The following CUL4A variants were observed in gnomAD, a reference collection of about 807,000 sequenced individuals.
CUL4A encodes the protein cullin 4A.
Under a neutral mutation model 95.5 loss-of-function variants are expected in CUL4A, and 16 were observed. The observed-to-expected ratio is 0.17, with a 90% CI of 0.11 to 0.25. CUL4A has a LOEUF of 0.25. Ranked by LOEUF, CUL4A falls within the 10% of genes least tolerant of loss-of-function variation. The pLI is 1.00. For missense variants in CUL4A, 610 were observed against 937.0 expected (o/e 0.65, Z 4.56); for synonymous variants, 380 against 353.1 (o/e 1.08, Z -0.85).
chr13:113,256,813 T>C (rs1371359289), intron 18 of CUL4A, among the ~76,000 whole-genome samples: 1 of 152,136 alleles, frequency 6.6e-6, no homozygotes, highest in Non-Finnish European at 1.5e-5. Context: ...TATTTTTCTT[T>C]TTCTAATTGC....
chr13:113,213,985 A>G (rs2040548681), intron 2 of CUL4A, among the ~76,000 whole-genome samples: 1 of 152,222 alleles, frequency 6.6e-6, no homozygotes, highest in Admixed American at 6.5e-5. Context: ...GAAATTACTG[A>G]TGTCTGATCA....
intron 16 of CUL4A, among the ~76,000 whole-genome samples, chr13:113,254,487 C>T (rs533053808): frequency 6.6e-6 from 1 of 152,022 alleles, no homozygotes; most frequent in Admixed American, 6.6e-5. Context: ...CCCAGCTACT[C>T]GGGAGGCTGA....
chr13:113,252,540 AAAG>A (rs1444160339), intron 15 of CUL4A, among the ~76,000 whole-genome samples: 1 of 152,208 alleles, frequency 6.6e-6, no homozygotes, highest in Non-Finnish European at 1.5e-5. Flanking sequence ...CCAAAAAAGA[AAAG>A]AAATTCACCC....
intron 2 of CUL4A, among the ~76,000 whole-genome samples, chr13:113,213,865 A>T (rs892926422): frequency 4.6e-5 from 7 of 152,234 alleles, no homozygotes; most frequent in African/African-American, 1.4e-4. Flanking sequence ...CTTACTTGTG[A>T]TCATCTCTCC....
At chr13:113,238,768 C>T (rs1049822217) in intron 9 of CUL4A, among the ~76,000 whole-genome samples, 6 of 152,276 alleles carry the variant, frequency 3.9e-5, no homozygotes, top group South Asian at 4.1e-4. Flanking sequence ...GTGTGAACAT[C>T]GTGCCCAGTG....
intron 10 of CUL4A, among the ~76,000 whole-genome samples, chr13:113,241,470 C>A (rs1308097902): frequency 6.6e-6 from 1 of 151,868 alleles, no homozygotes; most frequent in Non-Finnish European, 1.5e-5. Context: ...TAGCCACACA[C>A]CGCCCCTCTC....
intron 5 of CUL4A, chr13:113,229,791 C>CT: frequency 2.1e-6 from 1 of 473,438 alleles, no homozygotes; most frequent in Non-Finnish European, 3.7e-6. Flanking sequence ...TGGTTTCTCT[C>CT]TGACGACTGG....
chr13:113,228,009 G>T lies in CUL4A; in HGVS notation c.402G>T (p.Lys134Asn), dbSNP rs1303777573. ...DSLDSVLFLK[K>N]INTCWQDHCR... ...TAGATAGTGTTTTATTTTTAAAGAA[G>T]ATTAACACGTGCTGGCAGGACCACT... is the stretch of plus-strand genomic sequence containing the variant. The change falls in exon 4 of 20, where the codon AAG (lysine) becomes AAT (asparagine). Residue 134 changes from lysine to asparagine, a missense_variant. Physicochemically the swap from Lys to Asn is moderately conservative, Grantham distance 94. This residue lies in a region of CUL4A where 168 missense variants were observed against 185.5 expected (regional missense o/e 0.91). Coordinates refer to ENST00000375440, the MANE Select transcript of CUL4A (RefSeq NM_001008895.4). The T allele has an allele frequency of 1.2e-6, 2 of 1,613,452 alleles. No individual in the cohort carries two copies. The highest frequency in any genetic ancestry group is 1.7e-6 in the Non-Finnish European group (2 of 1,179,608).
At position 113,242,985 on chromosome 13, in the gene CUL4A, C is replaced by A. The variant is rs146783617; in HGVS notation, c.1053C>A (p.Ile351=). 2 of 1,606,742 alleles carry A rather than the reference C, an allele frequency of 1.2e-6. No individual in the cohort carries two copies. Among genetic ancestry groups the A allele is most frequent in the Admixed American group, 1.7e-5 (1 of 59,708 alleles). ...TTTTGTAGACTTTTGGAACAGCGAT[C>A]GTAATCAATCCTGAGAAAGACAAAG... is the stretch of plus-strand genomic sequence containing the variant. ...SEYIKTFGTA[I]VINPEKDKDM... is the part of the protein sequence containing the mutation. Residue 351 remains isoleucine, a synonymous_variant, in exon 11 of 20, where the codon ATC becomes ATA. Transcript: ENST00000375440.
At position 113,215,111 on chromosome 13, in the gene CUL4A, A is replaced by G. The variant is rs376902131; in HGVS notation, c.265-3834A>G. On this transcript the variant is annotated intron_variant, in intron 2 of 19. Coordinates refer to ENST00000375440, the MANE Select transcript of CUL4A (RefSeq NM_001008895.4). ...CGCGTCCCGTGTGGCTGTGGAGGTC[A>G]CTGTGTGACCATGGAAGTCGCGTTC... Among the ~76,000 whole-genome samples the G allele has an allele frequency of 4.6e-3, 549 of 118,680 alleles. 1 individual carries two copies. The Middle Eastern group carries it at 0.051, about 11-fold the overall frequency. 77.9% of individuals were successfully genotyped at this position (118,680 alleles called of 152,430 possible).
rs1260414337 is a variant in CUL4A, at chr13:113,209,643, C to T, written c.16C>T (p.Pro6Ser). Residue 6 changes from proline (P) to serine (S), a missense_variant, in exon 1 of 20, where the codon CCG becomes TCG. Around this residue, in one of 10 missense-constraint regions of CUL4A, gnomAD observed 168 missense variants for 185.5 expected, o/e 0.91. Transcript: ENST00000375440. MADEA[P>S]RKGSFSALVG... ...CGGCCCAGCCATGGCGGACGAGGCC[C>T]CGCGGAAGGGCAGCTTCTCGGCGCT... 3.6e-6 allele frequency: 4 copies of T among 1,105,230 alleles called. No individual in the cohort carries two copies. Among genetic ancestry groups the T allele is most frequent in the Non-Finnish European group, 3.3e-6 (3 of 908,420 alleles). The allele number at this position is 1,105,230 out of a possible 1,614,324, so 68.5% of individuals were successfully genotyped here.
At chr13:113,241,705 G>A (rs1198071428) in intron 10 of CUL4A, among the ~76,000 whole-genome samples, 1 of 151,778 alleles carries the variant, frequency 6.6e-6, no homozygotes, top group Non-Finnish European at 1.5e-5. Flanking sequence ...GTAGAGATGG[G>A]GTTTCACCAT....
intron 7 of CUL4A, 41 bp downstream of exon 7, chr13:113,234,027 C>T (rs780600134): frequency 7.9e-7 from 1 of 1,269,840 alleles, no homozygotes; most frequent in Non-Finnish European, 1.1e-6. Flanking sequence ...GGCTTCGTTT[C>T]TGCAGATGAG....
At chr13:113,208,437 G>C, upstream of CUL4A, 1 of 1,506,128 alleles carries the variant, frequency 6.6e-7, no homozygotes, top group East Asian at 2.5e-5. Flanking sequence ...CCCGAGTCCC[G>C]GCCGCCGCTG....
Position 113,231,351 on chromosome 13 carries a change from GAA to G in CUL4A, c.513-1824_513-1823del, listed in dbSNP as rs756474872. Among the ~76,000 whole-genome samples the G allele has an allele frequency of 5.9e-5, 9 of 152,286 alleles. No homozygotes were observed. The South Asian group carries it at 8.3e-4, about 14-fold the overall frequency. On this transcript the variant is annotated intron_variant, in intron 5 of 19. Coordinates refer to ENST00000375440, the MANE Select transcript of CUL4A (RefSeq NM_001008895.4). ...CAAAGGTGGTCAGGCAGCTAAGAAA[GAA>G]AGAGTAGAAGGAAGCAGTAAGTTCA... is the stretch of plus-strand genomic sequence containing the variant.
intron 9 of CUL4A, 52 bp downstream of exon 9, chr13:113,236,942 A>T (rs780698811): frequency 2.3e-6 from 3 of 1,287,356 alleles, no homozygotes; most frequent in Non-Finnish European, 3.4e-6. Context: ...TCCTTAGTTC[A>T]TTAGGAAAGT....
At chr13:113,261,361 C>T (rs1030463719) in intron 19 of CUL4A, among the ~76,000 whole-genome samples, 2 of 152,162 alleles carry the variant, frequency 1.3e-5, no homozygotes, top group African/African-American at 4.8e-5. Flanking sequence ...ACCGGCCACA[C>T]GTGCTTTGGA....
At chr13:113,232,806 G>GGGAGGGGCA (rs1334446183) in intron 5 of CUL4A, among the ~76,000 whole-genome samples, 2 of 152,118 alleles carry the variant, frequency 1.3e-5, no homozygotes, top group African/African-American at 4.8e-5. Flanking sequence ...AGACGGTGGC[G>GGGAGGGGCA]GGAGGGGCAG....
chr13:113,242,853 G>A (rs920597292), intron 10 of CUL4A, 115 bp from the exon 11 acceptor site: 1 of 748,200 alleles, frequency 1.3e-6, no homozygotes, highest in East Asian at 2.8e-5. Context: ...AAGTTATTGA[G>A]TATTTACTAC....
Sources: allele counts gnomAD v4.1 joint callset (sites outside exome capture counted in the v4.1 genomes callset), GRCh38; gene constraint gnomAD v4.1.1; regional missense constraint gnomAD v4.1.1; transcripts MANE v1.5; gene names NCBI Gene and HGNC (gene_info 2026-07-23, HGNC 2026-07-21).